Variants in DCAF8L2 observed in about 807,000 individuals in gnomAD.
The protein encoded by DCAF8L2 is DDB1- and CUL4-associated factor 8-like protein 2.
For synonymous variants in DCAF8L2, 200 were observed against 190.9 expected, an observed-to-expected ratio of 1.05 and a Z score of -0.39; for missense variants, 430 against 490.7, an observed-to-expected ratio of 0.88 and a Z score of 1.17.
intron 1 of DCAF8L2, among the ~76,000 whole-genome samples, chrX:27,620,268 T>G (rs2147153657): frequency 9.0e-6 from 1 of 111,664 alleles, no homozygotes; most frequent in East Asian, 2.8e-4. Flanking sequence ...AAAAAATGCC[T>G]TTGAACTTTG....
chrX:27,635,892 A>G (rs999346078), intron 2 of DCAF8L2, among the ~76,000 whole-genome samples: 31 of 105,113 alleles, frequency 2.9e-4, no homozygotes, highest in Middle Eastern at 9.7e-3. Flanking sequence ...GCTCGCTGCA[A>G]CCTCCGCCTC....
chrX:27,690,408 T>C (rs1930670827), intron 3 of DCAF8L2, among the ~76,000 whole-genome samples: 1 of 111,735 alleles, frequency 8.9e-6, no homozygotes, highest in Non-Finnish European at 1.9e-5. Context: ...TGTGATGATC[T>C]ACAGAATGCA....
chrX:27,502,960 C>T, the DCAF8L2 span, among the ~76,000 whole-genome samples: 2 of 111,593 alleles, frequency 1.8e-5, no homozygotes, highest in Non-Finnish European at 3.8e-5. Flanking sequence ...ACTGTACTTC[C>T]ATACATTGCA....
chrX:27,556,309 C>T, the DCAF8L2 span, among the ~76,000 whole-genome samples: 3 of 111,535 alleles, frequency 2.7e-5, no homozygotes, highest in African/African-American at 9.8e-5. Context: ...AAAGACTACC[C>T]CAAAAGCTCA....
At chrX:27,566,369 G>A in the DCAF8L2 span, among the ~76,000 whole-genome samples, 1 of 111,025 alleles carries the variant, frequency 9.0e-6, no homozygotes, top group Non-Finnish European at 1.9e-5. Flanking sequence ...CTTTCTCACG[G>A]GGCTTTTCTA....
At chrX:27,690,255 C>T (rs1483998321) in intron 3 of DCAF8L2, among the ~76,000 whole-genome samples, 2 of 111,350 alleles carry the variant, frequency 1.8e-5, no homozygotes, top group African/African-American at 3.3e-5. Flanking sequence ...AGCTTGGATG[C>T]ATGCAATTAA....
intron 2 of DCAF8L2, among the ~76,000 whole-genome samples, chrX:27,666,338 T>A (rs1010051458): frequency 8.9e-6 from 1 of 111,900 alleles, no homozygotes; most frequent in African/African-American, 3.2e-5. Flanking sequence ...CACAAATGTT[T>A]CTTCTGGAAA....
At chrX:27,579,944 ATATAT>A in the DCAF8L2 span, among the ~76,000 whole-genome samples, 2 of 109,150 alleles carry the variant, frequency 1.8e-5, no homozygotes, top group Admixed American at 2.0e-4. Flanking sequence ...TTCTTATAAA[ATATAT>A]TATAAATATA....
chrX:27,678,309 G>A (rs1930209961), intron 3 of DCAF8L2, among the ~76,000 whole-genome samples: 1 of 111,735 alleles, frequency 8.9e-6, no homozygotes, highest in Non-Finnish European at 1.9e-5. Flanking sequence ...ATTACCATAT[G>A]ATCCAGAAAT....
the DCAF8L2 span, among the ~76,000 whole-genome samples, chrX:27,482,173 C>A: frequency 9.0e-6 from 1 of 111,058 alleles, no homozygotes; most frequent in African/African-American, 3.3e-5. Context: ...CCAAATTTTT[C>A]CCCTCCCAGA....
the DCAF8L2 span, among the ~76,000 whole-genome samples, chrX:27,469,845 T>C: frequency 5.5e-5 from 6 of 109,351 alleles, no homozygotes; most frequent in Non-Finnish European, 1.1e-4. Flanking sequence ...CTCGGCTTAC[T>C]GCAACCTCCG....
the DCAF8L2 span, among the ~76,000 whole-genome samples, chrX:27,582,491 T>C: frequency 9.0e-6 from 1 of 111,181 alleles, no homozygotes; most frequent in South Asian, 3.9e-4. Flanking sequence ...TACATACTGG[T>C]TAGTTCTTTT....
chrX:27,739,726 T>A (rs1921744344), intron 4 of DCAF8L2, among the ~76,000 whole-genome samples: 1 of 112,105 alleles, frequency 8.9e-6, no homozygotes, highest in African/African-American at 3.2e-5. Flanking sequence ...AACTCTTGAT[T>A]CCCCATCCTC....
At chrX:27,675,604 T>G (rs1264714187) in intron 2 of DCAF8L2, among the ~76,000 whole-genome samples, 1 of 112,066 alleles carries the variant, frequency 8.9e-6, no homozygotes, top group Admixed American at 9.5e-5. Context: ...TGTTAAGCAC[T>G]TTAAATCATA....
At chrX:27,563,197 A>G in the DCAF8L2 span, among the ~76,000 whole-genome samples, 1 of 110,961 alleles carries the variant, frequency 9.0e-6, no homozygotes, top group Admixed American at 9.6e-5. Context: ...TGAGAGGTTC[A>G]CCTGGCCTTG....
At chrX:27,486,777 A>G in the DCAF8L2 span, among the ~76,000 whole-genome samples, 1 of 111,551 alleles carries the variant, frequency 9.0e-6, no homozygotes, top group South Asian at 3.7e-4. Context: ...TATGATTAGC[A>G]AATATTTTCC....
At position 27,749,744 on chromosome X, in the gene DCAF8L2, C is replaced by G. The variant is rs1391517984; in HGVS notation, c.*953C>G. Among the ~76,000 whole-genome samples, 2 of 111,961 alleles carry G rather than the reference C, an allele frequency of 1.8e-5. No homozygotes were observed. The highest frequency in any genetic ancestry group is 3.8e-5 in the Non-Finnish European group (2 of 53,170). Reference sequence around the variant, plus strand: ...CTAATTAACTTTTAAGAACAAGTTGCAATAAAGATTGTTTATACTTACACA... The same window carrying G: ...CTAATTAACTTTTAAGAACAAGTTGGAATAAAGATTGTTTATACTTACACA... On this transcript the variant is annotated 3_prime_UTR_variant, in exon 5 of 5. Coordinates refer to ENST00000451261, the MANE Select transcript of DCAF8L2 (RefSeq NM_001353450.2).
chrX:27,602,099 C>A (rs1240173307), intron 1 of DCAF8L2, among the ~76,000 whole-genome samples: 1 of 111,305 alleles, frequency 9.0e-6, no homozygotes, highest in African/African-American at 3.3e-5. Flanking sequence ...TCTTGTTGCC[C>A]AGGCTTGAGT....
At chrX:27,472,419 G>A in the DCAF8L2 span, among the ~76,000 whole-genome samples, 3 of 111,590 alleles carry the variant, frequency 2.7e-5, no homozygotes, top group East Asian at 2.8e-4. Context: ...TGGGATACAT[G>A]TGCAGAACTT....
Sources: gnomAD v4.1 joint callset for allele counts (sites outside exome capture counted in the v4.1 genomes callset) on GRCh38, gnomAD v4.1.1 for gene constraint, MANE v1.5 for transcripts, NCBI Gene and HGNC (gene_info 2026-07-23, HGNC 2026-07-21) for gene names.